Variants in CNTN5 observed in about 807,000 individuals in gnomAD.
CNTN5 encodes the protein contactin 5, also known as contactin-5.
Under a neutral mutation model 129.1 loss-of-function variants are expected in CNTN5, and 77 were observed. The observed-to-expected ratio is 0.60, with a 90% CI of 0.50 to 0.72. The LOEUF (loss-of-function observed/expected upper bound fraction) is 0.72, where lower values mean the gene tolerates loss of function less well. CNTN5 is among the 30% of genes least tolerant of loss of function. The probability of loss-of-function intolerance (pLI) is 0.00; values close to 1 mark genes in which losing one functional copy is unlikely to be tolerated. For synonymous variants in CNTN5, 509 were observed against 465.6 expected, an observed-to-expected ratio of 1.09 and a Z score of -1.20; for missense variants, 1,478 against 1,328.8, an observed-to-expected ratio of 1.11 and a Z score of -1.75.
intron 1 of CNTN5, among the ~76,000 whole-genome samples, chr11:99,261,438 G>A (rs1309760669): frequency 6.6e-6 from 1 of 151,998 alleles, no homozygotes; most frequent in Non-Finnish European, 1.5e-5. Flanking sequence ...ATATACATAA[G>A]AGCAGGTTTA....
chr11:99,188,047 T>C (rs1858442030), intron 1 of CNTN5, among the ~76,000 whole-genome samples: 1 of 151,870 alleles, frequency 6.6e-6, no homozygotes, highest in South Asian at 2.1e-4. Context: ...GTAACACCAT[T>C]CTGCACTTTT....
At chr11:99,569,428 G>A (rs866056594) in intron 3 of CNTN5, among the ~76,000 whole-genome samples, 24 of 152,138 alleles carry the variant, frequency 1.6e-4, no homozygotes, top group African/African-American at 4.8e-4. Flanking sequence ...ATTCTCCCGC[G>A]TCAGCCTCCC....
intron 9 of CNTN5, among the ~76,000 whole-genome samples, chr11:100,050,663 C>T (rs185489092): frequency 1.3e-5 from 2 of 151,126 alleles, no homozygotes; most frequent in African/African-American, 4.9e-5. Flanking sequence ...AAAAAAAAGA[C>T]CTTATAATAT....
At chr11:100,218,249 C>A (rs1224163428) in intron 15 of CNTN5, among the ~76,000 whole-genome samples, 2 of 152,170 alleles carry the variant, frequency 1.3e-5, no homozygotes, top group Non-Finnish European at 2.9e-5. Flanking sequence ...GTTTCTAACA[C>A]AAGCCTTAAG....
intron 16 of CNTN5, 42 bp from the exon 17 acceptor site, chr11:100,255,715 GATA>G: frequency 1.9e-6 from 3 of 1,544,704 alleles, no homozygotes; most frequent in Middle Eastern, 3.4e-4. Context: ...CATGGCTCCT[GATA>G]ATAATTTGTG....
intron 3 of CNTN5, among the ~76,000 whole-genome samples, chr11:99,608,711 C>T (rs1043554602): frequency 2.0e-5 from 3 of 152,152 alleles, no homozygotes; most frequent in Non-Finnish European, 4.4e-5. Context: ...TTAAGCCACT[C>T]TATTTGTGGT....
chr11:99,762,543 T>C (rs559442890), intron 3 of CNTN5, among the ~76,000 whole-genome samples: 1 of 151,998 alleles, frequency 6.6e-6, no homozygotes, highest in Non-Finnish European at 1.5e-5. Context: ...CATTGCTTGT[T>C]TTTCTCAGGT....
chr11:100,224,347 C>A (rs1179330571), intron 15 of CNTN5, among the ~76,000 whole-genome samples: 3 of 152,112 alleles, frequency 2.0e-5, no homozygotes, highest in Non-Finnish European at 4.4e-5. Context: ...TTTCTTGCCA[C>A]AAAATACACC....
chr11:99,473,749 CTTAG>C (rs1422197221), intron 2 of CNTN5, among the ~76,000 whole-genome samples: 15 of 151,938 alleles, frequency 9.9e-5, no homozygotes, highest in South Asian at 2.1e-4. Context: ...CAGATAGTTT[CTTAG>C]TTAGTCTTTA....
chr11:100,174,058 T>C (rs1240194567), intron 13 of CNTN5, among the ~76,000 whole-genome samples: 1 of 152,052 alleles, frequency 6.6e-6, no homozygotes, highest in African/African-American at 2.4e-5. Flanking sequence ...CTGAAAGTTA[T>C]CAAAAAGCTA....
intron 3 of CNTN5, among the ~76,000 whole-genome samples, chr11:99,800,368 T>C (rs1302391637): frequency 6.6e-6 from 1 of 152,152 alleles, no homozygotes; most frequent in Non-Finnish European, 1.5e-5. Flanking sequence ...TGACCCAGCA[T>C]GTAGTTGATG....
At chr11:99,048,446 T>C (rs920181425) in intron 1 of CNTN5, among the ~76,000 whole-genome samples, 2 of 152,164 alleles carry the variant, frequency 1.3e-5, no homozygotes, top group Non-Finnish European at 2.9e-5. Flanking sequence ...TATTTCTCTA[T>C]TTTCAGAAAT....
At chr11:100,040,898 G>A (rs1250875700) in intron 9 of CNTN5, among the ~76,000 whole-genome samples, 1 of 152,200 alleles carries the variant, frequency 6.6e-6, no homozygotes, top group Non-Finnish European at 1.5e-5. Context: ...GACTAGGAAA[G>A]GGAATTCCCT....
At chr11:99,236,403 AT>A (rs1186976076) in intron 1 of CNTN5, among the ~76,000 whole-genome samples, 2 of 152,028 alleles carry the variant, frequency 1.3e-5, no homozygotes, top group South Asian at 2.1e-4. Context: ...TTTAAATAAT[AT>A]TTTTCAGCTT....
intron 13 of CNTN5, among the ~76,000 whole-genome samples, chr11:100,190,051 T>C (rs777911527): frequency 2.6e-5 from 4 of 152,254 alleles, no homozygotes; most frequent in East Asian, 1.9e-4. Context: ...CTCCAGTTAA[T>C]TGACAAGATT....
intron 1 of CNTN5, among the ~76,000 whole-genome samples, chr11:99,164,374 G>T (rs1860775702): frequency 6.8e-6 from 1 of 146,162 alleles, no homozygotes; most frequent in African/African-American, 2.5e-5. Context: ...CAGGTGAGAA[G>T]TATCTATATA....
chr11:99,909,512 G>A (rs186263273), intron 6 of CNTN5, among the ~76,000 whole-genome samples: 1 of 152,152 alleles, frequency 6.6e-6, no homozygotes, highest in Admixed American at 6.6e-5. Context: ...ATATACACAC[G>A]TTATGTTTAT....
chr11:100,227,182 C>A (rs1949394739), intron 16 of CNTN5, among the ~76,000 whole-genome samples: 1 of 152,120 alleles, frequency 6.6e-6, no homozygotes, highest in Non-Finnish European at 1.5e-5. Context: ...TCTTATGATT[C>A]TATTTCAGTG....
At chr11:100,106,828 T>C (rs1290514755) in intron 13 of CNTN5, among the ~76,000 whole-genome samples, 3 of 152,118 alleles carry the variant, frequency 2.0e-5, no homozygotes, top group Non-Finnish European at 4.4e-5. Context: ...TTAGGTGACA[T>C]GATATTTATA....
Sources: gnomAD v4.1 joint callset for allele counts (sites outside exome capture counted in the v4.1 genomes callset) on GRCh38, gnomAD v4.1.1 for gene constraint, MANE v1.5 for transcripts, NCBI Gene and HGNC (gene_info 2026-07-23, HGNC 2026-07-21) for gene names.